Variants in CSMD1 observed in about 807,000 individuals in gnomAD.
CSMD1 encodes the protein CUB and Sushi multiple domains 1.
In CSMD1, 213 loss-of-function variants were observed where a neutral mutation model predicts 417.5. The observed-to-expected ratio is 0.51, with a 90% CI of 0.46 to 0.57. CSMD1 has a LOEUF of 0.57. Among genes scored for constraint, CSMD1 ranks in the 20% least tolerant of loss-of-function variants. CSMD1 has a pLI of 0.00. For missense variants in CSMD1, 6,923 were observed against 4,529.7 expected (o/e 1.53, Z -15.17); for synonymous variants, 2,862 against 1,736.8 (o/e 1.65, Z -16.11).
chr8:4,758,492 G>C (rs1811816644), intron 1 of CSMD1, among the ~76,000 whole-genome samples: 1 of 152,108 alleles, frequency 6.6e-6, no homozygotes, highest in South Asian at 2.1e-4. Context: ...AGATCCCTTT[G>C]GACTGTGCTG....
In CSMD1 at chr8:2,963,273, G is replaced by C. The variant is rs749305488; in HGVS notation, c.9403C>G (p.Leu3135Val). Residue 3135 changes from leucine to valine, a missense_variant, in exon 60 of 70, where the codon CTC becomes GTC. Physicochemically the swap from Leu to Val is conservative, Grantham distance 32. Coordinates refer to ENST00000635120, the MANE Select transcript of CSMD1 (RefSeq NM_033225.6). The part of the protein sequence containing the change: ...DGYQLSHSAI[L>V]SCEGRGVWKG... ...CACACCCCGCGACCTTCACAGGAGA[G>C]GATGGCGGAGTGAGAGAGCTGGTAA... 1 of 1,613,994 alleles carries C rather than the reference G, an allele frequency of 6.2e-7. No individual in the cohort carries two copies. The highest frequency in any genetic ancestry group is 1.7e-5 in the Admixed American group (1 of 60,014).
intron 3 of CSMD1, among the ~76,000 whole-genome samples, chr8:4,211,110 G>A (rs1197973064): frequency 6.6e-6 from 1 of 151,966 alleles, no homozygotes; most frequent in East Asian, 1.9e-4. Flanking sequence ...GAATTTTCTT[G>A]CTGTTATATA....
intron 2 of CSMD1, among the ~76,000 whole-genome samples, chr8:4,453,204 GACACACAC>G (rs1231380580): frequency 4.6e-5 from 6 of 129,446 alleles, no homozygotes; most frequent in East Asian, 4.1e-4. Context: ...CACCCACACA[GACACACAC>G]AGAGACACAC....
intron 2 of CSMD1, among the ~76,000 whole-genome samples, chr8:4,452,452 G>A (rs1021948205): frequency 2.0e-5 from 3 of 152,190 alleles, no homozygotes; most frequent in African/African-American, 4.8e-5. Context: ...CATTAATCCT[G>A]TCAGGCATTA....
At chr8:4,038,151 G>A (rs1013180292) in intron 3 of CSMD1, among the ~76,000 whole-genome samples, 5 of 152,082 alleles carry the variant, frequency 3.3e-5, no homozygotes, top group African/African-American at 1.2e-4. Flanking sequence ...GTGACACAAA[G>A]TTATAAATTT....
intron 3 of CSMD1, among the ~76,000 whole-genome samples, chr8:4,338,883 C>A (rs1800320479): frequency 2.0e-5 from 3 of 151,974 alleles, no homozygotes; most frequent in Non-Finnish European, 2.9e-5. Flanking sequence ...TAGAAGAGAA[C>A]CTTTTACTAG....
chr8:3,341,621 G>C (rs1445642322), intron 23 of CSMD1, among the ~76,000 whole-genome samples: 3 of 152,258 alleles, frequency 2.0e-5, no homozygotes, highest in Non-Finnish European at 4.4e-5. Context: ...CAGGAGAGAG[G>C]GAGGATCCCA....
intron 3 of CSMD1, among the ~76,000 whole-genome samples, chr8:4,415,352 A>G (rs796567864): frequency 6.1e-4 from 93 of 152,234 alleles, no homozygotes; most frequent in African/African-American, 2.2e-3. Flanking sequence ...CTCCTTACTC[A>G]GGAAGATCCT....
chr8:2,977,153 G>A (rs1034955836), intron 55 of CSMD1, among the ~76,000 whole-genome samples: 1 of 151,976 alleles, frequency 6.6e-6, no homozygotes, highest in African/African-American at 2.4e-5. Context: ...GGGTGTGTAG[G>A]TTTGTTACGC....
intron 2 of CSMD1, among the ~76,000 whole-genome samples, chr8:4,469,868 C>CTT (rs368325145): frequency 4.6e-4 from 67 of 144,872 alleles, no homozygotes; most frequent in East Asian, 1.2e-3. Context: ...TTTGGTTTTC[C>CTT]TTTTTTTTTT....
At chr8:4,916,316 G>C (rs1055035602) in intron 1 of CSMD1, among the ~76,000 whole-genome samples, 2 of 152,182 alleles carry the variant, frequency 1.3e-5, no homozygotes, top group Non-Finnish European at 2.9e-5. Flanking sequence ...AGCAGATATT[G>C]TTGACAATGT....
intron 3 of CSMD1, among the ~76,000 whole-genome samples, chr8:4,275,420 T>C (rs773742763): frequency 1.4e-4 from 21 of 152,080 alleles, no homozygotes; most frequent in African/African-American, 2.4e-4. Context: ...AATAAATACA[T>C]TGATTTGTGT....
rs1472844934 is a variant in CSMD1 at position 4,668,871 on chromosome 8, T to C, written c.86-31313A>G. On this transcript the variant is annotated intron_variant, in intron 1 of 69. Coordinates refer to ENST00000635120, the MANE Select transcript of CSMD1 (RefSeq NM_033225.6). Reference sequence around the variant, plus strand: ...ACCATGTTTATCTCTGTATTTTCTATTAAATTCAGGTTGAATCTGTTTCCT... The same window carrying C: ...ACCATGTTTATCTCTGTATTTTCTACTAAATTCAGGTTGAATCTGTTTCCT... Among the ~76,000 whole-genome samples the C allele has an allele frequency of 2.0e-5, 3 of 152,184 alleles. No homozygotes were observed. The East Asian group carries it at 5.8e-4, about 29-fold the overall frequency.
At chr8:3,129,329 C>G (rs976396430) in intron 41 of CSMD1, among the ~76,000 whole-genome samples, 1 of 152,204 alleles carries the variant, frequency 6.6e-6, no homozygotes, top group Non-Finnish European at 1.5e-5. Context: ...GACCTGTGCT[C>G]TAGATGATTC....
intron 3 of CSMD1, among the ~76,000 whole-genome samples, chr8:4,264,986 T>C (rs1017185262): frequency 5.9e-5 from 9 of 152,144 alleles, no homozygotes; most frequent in African/African-American, 1.9e-4. Context: ...TTAGCAACAA[T>C]TAAGAAGCAC....
chr8:2,996,939 G>A (rs547829892), intron 54 of CSMD1, among the ~76,000 whole-genome samples: 3 of 152,228 alleles, frequency 2.0e-5, no homozygotes, highest in Non-Finnish European at 2.9e-5. Context: ...TACAATGAAA[G>A]CTGTGATTGA....
chr8:3,225,252 C>T (rs1455921294), intron 27 of CSMD1, among the ~76,000 whole-genome samples: 2 of 152,114 alleles, frequency 1.3e-5, no homozygotes, highest in African/African-American at 4.8e-5. Flanking sequence ...TTGTTATACT[C>T]TCACAGTCTA....
chr8:3,876,921 T>C (rs942747792), intron 5 of CSMD1, among the ~76,000 whole-genome samples: 1 of 152,348 alleles, frequency 6.6e-6, no homozygotes, highest in South Asian at 2.1e-4. Context: ...CAGCCTCTCA[T>C]GCTTGGCTTT....
intron 10 of CSMD1, among the ~76,000 whole-genome samples, chr8:3,540,016 G>T (rs1399219930): frequency 6.6e-6 from 1 of 152,068 alleles, no homozygotes; most frequent in Non-Finnish European, 1.5e-5. Flanking sequence ...GTAAAACAGG[G>T]CTGCTTCTGT....
Sources: allele counts gnomAD v4.1 joint callset (sites outside exome capture counted in the v4.1 genomes callset), GRCh38; gene constraint gnomAD v4.1.1; transcripts MANE v1.5; gene names NCBI Gene and HGNC (gene_info 2026-07-23, HGNC 2026-07-21).